The following ROBO2 variants were observed in gnomAD, a reference collection of about 807,000 sequenced individuals.
ROBO2 encodes the protein roundabout homolog 2.
ROBO2 carries 53 observed loss-of-function variants against 160.8 expected under a neutral mutation model. That is an observed-to-expected ratio of 0.33 (90% confidence interval 0.26 to 0.41). The LOEUF is 0.41. Ranked by LOEUF, ROBO2 falls within the 10% of genes least tolerant of loss-of-function variation. ROBO2 has a pLI of 1.00. For synonymous variants in ROBO2, 664 were observed against 611.7 expected, an observed-to-expected ratio of 1.09 and a Z score of -1.26; for missense variants, 1,577 against 1,722.4, an observed-to-expected ratio of 0.92 and a Z score of 1.49.
At chr3:77,296,957 A>G (rs1453844394) in intron 2 of ROBO2, among the ~76,000 whole-genome samples, 1 of 152,180 alleles carries the variant, frequency 6.6e-6, no homozygotes, top group African/African-American at 2.4e-5. Flanking sequence ...CTTTTCTCGC[A>G]TACTTTGACT....
intron 1 of ROBO2, among the ~76,000 whole-genome samples, chr3:77,067,688 G>A (rs938118891): frequency 6.6e-6 from 1 of 152,108 alleles, no homozygotes; most frequent in African/African-American, 2.4e-5. Context: ...AAAGTCACAT[G>A]TTTTCTACTG....
At chr3:76,636,896 T>G (rs923111547) in intron 2 of ROBO2, among the ~76,000 whole-genome samples, 4 of 151,996 alleles carry the variant, frequency 2.6e-5, no homozygotes. Flanking sequence ...AGTATTGATA[T>G]CAGCCAGGGT....
chr3:76,516,908 G>C (rs1020593787), intron 2 of ROBO2, among the ~76,000 whole-genome samples: 1 of 152,050 alleles, frequency 6.6e-6, no homozygotes, highest in Non-Finnish European at 1.5e-5. Flanking sequence ...TCATGTTCAG[G>C]TTTTCTCTTC....
At chr3:76,463,396 A>G (rs896430025) in intron 2 of ROBO2, among the ~76,000 whole-genome samples, 1 of 152,106 alleles carries the variant, frequency 6.6e-6, no homozygotes, top group Non-Finnish European at 1.5e-5. Context: ...AATAAAAAAA[A>G]CTATAATTTT....
At chr3:76,022,710 A>T (rs1559841772) in intron 2 of ROBO2, among the ~76,000 whole-genome samples, 1 of 151,714 alleles carries the variant, frequency 6.6e-6, no homozygotes, top group Non-Finnish European at 1.5e-5. Context: ...ACTTTGCTCC[A>T]TTTATAGAGT....
intron 2 of ROBO2, among the ~76,000 whole-genome samples, chr3:76,392,209 T>C (rs1321415973): frequency 6.6e-6 from 1 of 152,326 alleles, no homozygotes; most frequent in East Asian, 1.9e-4. Context: ...ATGTACCCTT[T>C]TGGCTAAATT....
At chr3:76,099,533 T>A (rs1248269272) in intron 2 of ROBO2, among the ~76,000 whole-genome samples, 1 of 152,188 alleles carries the variant, frequency 6.6e-6, no homozygotes, top group East Asian at 1.9e-4. Flanking sequence ...TGGTTTTGAC[T>A]GAAAAGCAGT....
chr3:77,251,506 C>G (rs578019498), intron 2 of ROBO2, among the ~76,000 whole-genome samples: 6 of 152,254 alleles, frequency 3.9e-5, no homozygotes, highest in Admixed American at 6.5e-5. Flanking sequence ...TGATAAGATA[C>G]GGTCATTATC....
chr3:76,434,271 C>T, intron 2 of ROBO2: 2 of 989,048 alleles, frequency 2.0e-6, no homozygotes, highest in South Asian at 1.3e-5. Context: ...TACAGATTCT[C>T]AGTGTCAACA....
At chr3:76,648,956 A>G (rs2109844525) in intron 2 of ROBO2, among the ~76,000 whole-genome samples, 1 of 152,254 alleles carries the variant, frequency 6.6e-6, no homozygotes, top group Admixed American at 6.5e-5. Context: ...GTCGGTGTAC[A>G]ACTATTTTAT....
At chr3:76,646,981 G>A (rs148878163) in intron 2 of ROBO2, among the ~76,000 whole-genome samples, 2,110 of 152,254 alleles carry the variant, frequency 0.014, 14 homozygotes, top group Middle Eastern at 0.034. Context: ...TTAAGACTTA[G>A]AAGCCTGGAA....
intron 2 of ROBO2, among the ~76,000 whole-genome samples, chr3:76,862,359 C>A (rs554499120): frequency 1.6e-4 from 24 of 151,998 alleles, no homozygotes; most frequent in South Asian, 4.2e-4. Context: ...GTCTACAAGG[C>A]AAACTAACAG....
At chr3:76,827,335 A>G (rs1244146295) in intron 2 of ROBO2, among the ~76,000 whole-genome samples, 2 of 152,164 alleles carry the variant, frequency 1.3e-5, no homozygotes, top group African/African-American at 4.8e-5. Context: ...TTTCCTTCTG[A>G]CTTCTGAACA....
intron 2 of ROBO2, among the ~76,000 whole-genome samples, chr3:76,202,495 T>A (rs1702583761): frequency 6.6e-6 from 1 of 152,186 alleles, no homozygotes; most frequent in Admixed American, 6.6e-5. Context: ...CCACAAAGGA[T>A]GTTGCTTGGC....
chr3:75,909,255 A>G (rs995686862), intron 1 of ROBO2, among the ~76,000 whole-genome samples: 1 of 152,178 alleles, frequency 6.6e-6, no homozygotes, highest in Non-Finnish European at 1.5e-5. Flanking sequence ...TTGATCCTAC[A>G]TAATCTCTTA....
chr3:77,047,449 G>A (rs189167604), intron 1 of ROBO2, among the ~76,000 whole-genome samples: 1 of 147,680 alleles, frequency 6.8e-6, no homozygotes, highest in East Asian at 2.1e-4. Flanking sequence ...CTTTGGGAGG[G>A]TGAGGTGTGT....
intron 2 of ROBO2, among the ~76,000 whole-genome samples, chr3:77,004,963 G>C (rs2061505531): frequency 6.6e-6 from 1 of 152,084 alleles, no homozygotes; most frequent in South Asian, 2.1e-4. Context: ...GGCCAGTAAA[G>C]TCCTTTTCTC....
rs558587694 is a variant in ROBO2 at position 76,395,109 on chromosome 3, A to G, written c.109+457507A>G. 5.5e-3 allele frequency among the ~76,000 whole-genome samples: 844 copies of G among 152,198 alleles called. 5 individuals carry two copies. The highest frequency in any genetic ancestry group is 0.019 in the African/African-American group (800 of 41,514). ...CTCCTCAGCAAATGTAAAAGAATAG[A>G]AATTATAACAAACTGTCTCTCAGAC... On this transcript the variant is annotated intron_variant, in intron 2 of 26. Coordinates refer to the ROBO2 transcript ENST00000487694.
chr3:77,126,493 A>G (rs888137268), intron 2 of ROBO2, among the ~76,000 whole-genome samples: 9 of 152,070 alleles, frequency 5.9e-5, no homozygotes, highest in African/African-American at 2.2e-4. Flanking sequence ...TCATATTTTT[A>G]GTTGTTTTCT....
Sources: allele counts gnomAD v4.1 joint callset (sites outside exome capture counted in the v4.1 genomes callset), GRCh38; gene constraint gnomAD v4.1.1; transcripts MANE v1.5; gene names NCBI Gene and HGNC (gene_info 2026-07-23, HGNC 2026-07-21).